MGST1: variants seen among roughly 807,000 people sequenced by gnomAD.
MGST1 encodes microsomal glutathione S-transferase 1.
A neutral mutation model predicts 8.9 loss-of-function variants in MGST1; 5 were observed. That is an observed-to-expected ratio of 0.56 (90% CI 0.29 to 1.19). The LOEUF (loss-of-function observed/expected upper bound fraction) is 1.19. Ranked by LOEUF, MGST1 falls within the 50% of genes most tolerant of loss-of-function variation. The probability of loss-of-function intolerance (pLI) is 0.08; values close to 1 mark genes in which losing one functional copy is unlikely to be tolerated. For synonymous variants in MGST1, 54 were observed against 67.8 expected (o/e 0.80, Z 1.00); for missense variants, 182 against 187.4 (o/e 0.97, Z 0.17).
At chr12:16,378,933 A>T (rs1940421328), downstream of MGST1, among the ~76,000 whole-genome samples, 1 of 152,094 alleles carries the variant, frequency 6.6e-6, no homozygotes, top group African/African-American at 2.4e-5. Flanking sequence ...TTCACTCATG[A>T]TTTGGCTCTC....
rs1735912711 is a variant in MGST1, at chr12:16,410,937, C to T, written n.779-26451C>T. 6.6e-6 allele frequency among the ~76,000 whole-genome samples: 1 copy of T among 151,982 alleles called. No homozygotes were observed. Among genetic ancestry groups the T allele is most frequent in the African/African-American group, 2.4e-5 (1 of 41,370 alleles). On this transcript the variant is annotated intron_variant and non_coding_transcript_variant, in intron 1 of 1. Coordinates refer to the MGST1 transcript ENST00000359720. The surrounding 1 kb of genome is among the most constrained non-coding windows in gnomAD (Gnocchi z 4.4). ...TGGCCTATGTTCAATGTTTTGTGTA[C>T]CTCATATTCCATGCTTTTTTCTGAC...
chr12:16,489,269 AC>A (rs1400339961), intron 4 of MGST1, among the ~76,000 whole-genome samples: 1 of 152,100 alleles, frequency 6.6e-6, no homozygotes, highest in Non-Finnish European at 1.5e-5. Flanking sequence ...TTAAGATGGT[AC>A]TAGGGTTTAT....
In MGST1 at chr12:16,401,608, T is replaced by C; in HGVS notation, n.778+18004T>C. On this transcript the variant is annotated intron_variant and non_coding_transcript_variant, in intron 1 of 1. Coordinates refer to the MGST1 transcript ENST00000359720. The surrounding 1 kb of genome is among the most constrained non-coding windows in gnomAD (Gnocchi z 4.3). Reference sequence around the variant, plus strand: ...TCGAAGCGAATACCCATGGCACAAGTGATAGCCCCAAAATACATGTGATTC... The same window carrying C: ...TCGAAGCGAATACCCATGGCACAAGCGATAGCCCCAAAATACATGTGATTC... 1.3e-6 allele frequency: 2 copies of C among 1,529,388 alleles called. No individual in the cohort carries two copies. The highest frequency in any genetic ancestry group is 1.4e-5 in the African/African-American group (1 of 73,284). The allele number at this position is 1,529,388 out of a possible 1,614,324, so 94.7% of individuals were successfully genotyped here. A position where few individuals can be genotyped will look rare whatever the true frequency, so the allele number is the denominator to read the frequency against.
At chr12:16,433,584 G>T (rs1200649974) in intron 1 of MGST1, among the ~76,000 whole-genome samples, 1 of 152,034 alleles carries the variant, frequency 6.6e-6, no homozygotes, top group Non-Finnish European at 1.5e-5. Flanking sequence ...GCCTTCAGCT[G>T]GTTAAATGAG....
chr12:16,476,003 A>C (rs561953100), intron 4 of MGST1, among the ~76,000 whole-genome samples: 46 of 152,296 alleles, frequency 3.0e-4, no homozygotes, highest in Non-Finnish European at 5.6e-4. Context: ...GAGGAAGTAG[A>C]TTAGCTTCCT....
At chr12:16,561,352 A>G (rs1245954470) in intron 4 of MGST1, among the ~76,000 whole-genome samples, 4 of 152,190 alleles carry the variant, frequency 2.6e-5, no homozygotes, top group African/African-American at 9.6e-5. Context: ...AATGGAGGGG[A>G]AGAATTATTA....
intron 1 of MGST1, among the ~76,000 whole-genome samples, chr12:16,405,311 A>C (rs944386905): frequency 6.6e-6 from 1 of 152,174 alleles, no homozygotes; most frequent in Non-Finnish European, 1.5e-5. Context: ...AAACTAGATA[A>C]TCTAGAAGAA....
At position 16,364,381 on chromosome 12, in the gene MGST1, C is replaced by G. The variant is rs972210771; in HGVS notation, c.*340C>G. 19 of 997,120 alleles carry G rather than the reference C, an allele frequency of 1.9e-5. No homozygotes were observed. Among genetic ancestry groups the G allele is most frequent in the Non-Finnish European group, 2.3e-5 (19 of 835,712 alleles). 61.8% of individuals were successfully genotyped at this position (997,120 alleles called of 1,614,324 possible). ...AACCTATATTTCAATACTGCTGAAA[C>G]AGACATGAAATAAAGAATTTAAAGA... On this transcript the variant is annotated 3_prime_UTR_variant, in exon 4 of 4. Transcript: ENST00000396210. The surrounding 1 kb of genome is among the most constrained non-coding windows in gnomAD (Gnocchi z 5.7).
intron 1 of MGST1, among the ~76,000 whole-genome samples, chr12:16,404,472 A>G (rs1477659185): frequency 6.6e-6 from 1 of 151,764 alleles, no homozygotes; most frequent in African/African-American, 2.4e-5. Context: ...CTATGATTCA[A>G]GTTTTCTTTT....
At position 16,458,191 on chromosome 12, in the gene MGST1, A is replaced by T. The variant is rs1252556153; in HGVS notation, n.482+74587A>T. Among the ~76,000 whole-genome samples, 1 of 152,010 alleles carries T rather than the reference A, an allele frequency of 6.6e-6. No individual in the cohort carries two copies. The highest frequency in any genetic ancestry group is 1.5e-5 in the Non-Finnish European group (1 of 67,950). On this transcript the variant is annotated intron_variant and non_coding_transcript_variant, in intron 4 of 4. Coordinates refer to the MGST1 transcript ENST00000538857. This position sits in a 1 kb window ranked among gnomAD's most constrained non-coding sequence, Gnocchi z 4.0. Reference sequence around the variant, plus strand: ...GGGAATGTTGTGCAGCGAAGGTGCCAGCTGATCTTTAATTGTTCATCACCT... The same window carrying T: ...GGGAATGTTGTGCAGCGAAGGTGCCTGCTGATCTTTAATTGTTCATCACCT...
intron 4 of MGST1, among the ~76,000 whole-genome samples, chr12:16,454,550 A>G (rs988563561): frequency 2.6e-5 from 4 of 151,848 alleles, no homozygotes; most frequent in Non-Finnish European, 5.9e-5. Flanking sequence ...TAAATCTACC[A>G]AAGTCACCCG....
intron 4 of MGST1, among the ~76,000 whole-genome samples, chr12:16,540,450 A>G (rs1342420860): frequency 6.6e-6 from 1 of 152,116 alleles, no homozygotes; most frequent in Non-Finnish European, 1.5e-5. Context: ...TATAAAAGGA[A>G]CTGAATATGT....
chr12:16,444,659 T>C (rs560838879), intron 4 of MGST1, among the ~76,000 whole-genome samples: 12 of 152,006 alleles, frequency 7.9e-5, no homozygotes, highest in Non-Finnish European at 1.3e-4. Context: ...CACATGGCCA[T>C]AGGCATAAGC....
At chr12:16,551,119 T>C in intron 4 of MGST1, 1 of 750,568 alleles carries the variant, frequency 1.3e-6, no homozygotes, top group South Asian at 1.6e-5. Context: ...TTCCTATATC[T>C]ACGCTATTCA....
chr12:16,462,567 G>A (rs1941228867), intron 4 of MGST1, among the ~76,000 whole-genome samples: 1 of 151,266 alleles, frequency 6.6e-6, no homozygotes, highest in East Asian at 1.9e-4. Context: ...AAAAAAACTA[G>A]GAAAAACCTT....
chr12:16,568,386 C>T (rs1942692126), intron 4 of MGST1, among the ~76,000 whole-genome samples: 1 of 152,042 alleles, frequency 6.6e-6, no homozygotes, highest in Non-Finnish European at 1.5e-5. Flanking sequence ...GGATGTGGAT[C>T]TTTCAGTTTT....
intron 4 of MGST1, among the ~76,000 whole-genome samples, chr12:16,453,335 G>A (rs1182232829): frequency 1.3e-5 from 2 of 151,782 alleles, no homozygotes; most frequent in African/African-American, 2.4e-5. Context: ...TTCTCGATTC[G>A]AGACTCTAAT....
chr12:16,459,782 A>T (rs538477898), intron 4 of MGST1, among the ~76,000 whole-genome samples: 2 of 152,086 alleles, frequency 1.3e-5, no homozygotes, highest in East Asian at 3.9e-4. Flanking sequence ...TGCTCTCATG[A>T]CCTTGATATA....
chr12:16,404,910 G>A (rs1272524406), intron 1 of MGST1, among the ~76,000 whole-genome samples: 2 of 149,512 alleles, frequency 1.3e-5, no homozygotes, highest in Non-Finnish European at 3.0e-5. Flanking sequence ...AACTCTCTCG[G>A]TTTTTGTCTT....
Sources: gnomAD v4.1 joint callset for allele counts (sites outside exome capture counted in the v4.1 genomes callset) on GRCh38, gnomAD v4.1.1 for gene constraint, Gnocchi (gnomAD v3.1) non-coding constraint, MANE v1.5 for transcripts, NCBI Gene and HGNC (gene_info 2026-07-23, HGNC 2026-07-21) for gene names.